The following EGFLAM variants were observed in gnomAD, a reference collection of about 807,000 sequenced individuals.
The protein encoded by EGFLAM is pikachurin.
In EGFLAM, 79 loss-of-function variants were observed where a neutral mutation model predicts 113.1. The ratio of observed to expected loss-of-function variants is 0.70; its 90% CI spans 0.58 to 0.84. The LOEUF is 0.84. EGFLAM is among the 40% of genes least tolerant of loss of function. The pLI, the probability that EGFLAM is intolerant of heterozygous loss-of-function variation, is 0.00. For missense variants in EGFLAM, 1,265 were observed against 1,291.6 expected (o/e 0.98, Z 0.32); for synonymous variants, 504 against 487.6 (o/e 1.03, Z -0.44).
intron 6 of EGFLAM, among the ~76,000 whole-genome samples, chr5:38,399,284 T>G (rs1207071227): frequency 6.8e-6 from 1 of 147,608 alleles, no homozygotes; most frequent in East Asian, 2.0e-4. Flanking sequence ...TTCGTTTTTT[T>G]TTTTTTTTTT....
In EGFLAM at chr5:38,465,410, TG is replaced by T. The variant is rs1390716990; in HGVS notation, c.*1428del. On this transcript the variant is annotated 3_prime_UTR_variant, in exon 22 of 22. Transcript: ENST00000322350. ...GCAGCATTCATTCAGCAAAGACTTTTGGGGTTTGTGCAAGGCACAGTTTTAA... is the reference window on the plus strand; with the variant it reads ...GCAGCATTCATTCAGCAAAGACTTTTGGGTTTGTGCAAGGCACAGTTTTAA... Among the ~76,000 whole-genome samples, 1 of 152,238 alleles carries T rather than the reference TG, an allele frequency of 6.6e-6. No individual in the cohort carries two copies. The highest frequency in any genetic ancestry group is 6.5e-5 in the Admixed American group (1 of 15,284).
chr5:38,424,912 G>A, intron 12 of EGFLAM, 55 bp from the exon 13 acceptor site: 1 of 1,602,222 alleles, frequency 6.2e-7, no homozygotes, highest in South Asian at 1.1e-5. Flanking sequence ...CAGCGCCACT[G>A]TGTTGGACTG....
chr5:38,323,772 G>A (rs1192962962), intron 1 of EGFLAM, among the ~76,000 whole-genome samples: 2 of 151,962 alleles, frequency 1.3e-5, no homozygotes, highest in African/African-American at 2.4e-5. Flanking sequence ...TTTTCGGCCA[G>A]GCACAGTGGC....
chr5:38,427,736 A>G (rs1219947232), intron 14 of EGFLAM, among the ~76,000 whole-genome samples: 3 of 152,174 alleles, frequency 2.0e-5, no homozygotes, highest in Non-Finnish European at 4.4e-5. Context: ...CTCTTGAACT[A>G]TTTCTTTAAT....
At chr5:38,263,952 G>T (rs536590299) in intron 1 of EGFLAM, among the ~76,000 whole-genome samples, 1 of 152,228 alleles carries the variant, frequency 6.6e-6, no homozygotes, top group South Asian at 2.1e-4. Flanking sequence ...AGCTACAGTG[G>T]CTGTGCCATT....
chr5:38,387,751 C>T (rs1026895975), intron 6 of EGFLAM, among the ~76,000 whole-genome samples: 2 of 152,248 alleles, frequency 1.3e-5, no homozygotes, highest in Admixed American at 1.3e-4. Context: ...ACCAGTTACT[C>T]TTGCTTGTAT....
At chr5:38,349,540 G>C (rs1739559966) in intron 3 of EGFLAM, among the ~76,000 whole-genome samples, 1 of 152,120 alleles carries the variant, frequency 6.6e-6, no homozygotes, top group South Asian at 2.1e-4. Flanking sequence ...CAGCGACACA[G>C]CTAACAATAA....
At chr5:38,420,039 A>C (rs1741776036) in intron 12 of EGFLAM, among the ~76,000 whole-genome samples, 1 of 152,072 alleles carries the variant, frequency 6.6e-6, no homozygotes, top group Admixed American at 6.6e-5. Context: ...AACAAAAAAC[A>C]AAAAACAAAA....
In EGFLAM at chr5:38,464,040, G is replaced by A; in HGVS notation, c.*54G>A. On this transcript the variant is annotated 3_prime_UTR_variant, in exon 22 of 22. Transcript: ENST00000322350. ...GCCTTCTATTCTGAGAATCCCAGGG[G>A]CCCTCAGACCCTGCCTGATGCTATA... 3.7e-6 allele frequency: 6 copies of A among 1,607,586 alleles called. No individual in the cohort carries two copies. The highest frequency in any genetic ancestry group is 2.2e-5 in the South Asian group (2 of 90,406).
intron 5 of EGFLAM, among the ~76,000 whole-genome samples, chr5:38,366,885 T>C (rs1172441374): frequency 6.6e-6 from 1 of 152,252 alleles, no homozygotes; most frequent in Non-Finnish European, 1.5e-5. Flanking sequence ...CCAGCCCTGA[T>C]AGCCAGGCTG....
intron 6 of EGFLAM, chr5:38,401,798 G>A (rs569365512): frequency 2.6e-5 from 4 of 152,216 alleles, no homozygotes; most frequent in African/African-American, 9.6e-5. Context: ...AGAGTCTAAG[G>A]CCAGGAGCCC....
chr5:38,413,911 C>T (rs561005495), intron 11 of EGFLAM, among the ~76,000 whole-genome samples: 7 of 152,298 alleles, frequency 4.6e-5, no homozygotes, highest in East Asian at 3.9e-4. Context: ...CTGGATCCCT[C>T]GCATGCGCAG....
intron 1 of EGFLAM, among the ~76,000 whole-genome samples, chr5:38,266,145 T>TC (rs1450305932): frequency 1.3e-5 from 2 of 152,068 alleles, no homozygotes; most frequent in Non-Finnish European, 2.9e-5. Flanking sequence ...ACCAACATTT[T>TC]CCCCCCTTAC....
In EGFLAM at chr5:38,412,792, C is replaced by T. The variant is rs535654223; in HGVS notation, c.1494+144C>T. On this transcript the variant is annotated intron_variant, in intron 11 of 21. Coordinates refer to ENST00000322350, the MANE Select transcript of EGFLAM (RefSeq NM_152403.4). ...GGTAAGGCCTATTTCTCATGGTGAA[C>T]CCATGCAACAGACCTTTGATGTGCT... 81 of 1,288,482 alleles carry T rather than the reference C, an allele frequency of 6.3e-5. No homozygotes were observed. The African/African-American group carries it at 1.1e-3, about 18-fold the overall frequency. 79.8% of individuals were successfully genotyped at this position (1,288,482 alleles called of 1,614,324 possible).
intron 6 of EGFLAM, among the ~76,000 whole-genome samples, chr5:38,383,871 A>G (rs1466892489): frequency 6.6e-6 from 1 of 152,022 alleles, no homozygotes; most frequent in Non-Finnish European, 1.5e-5. Context: ...GACAGCCCAC[A>G]GGACACTGGA....
chr5:38,420,281 T>C (rs571557834), intron 12 of EGFLAM, among the ~76,000 whole-genome samples: 10 of 152,322 alleles, frequency 6.6e-5, no homozygotes, highest in African/African-American at 2.2e-4. Flanking sequence ...TTAACAAAAA[T>C]AGTTTACCAT....
chr5:38,299,946 A>G (rs1470650547), intron 1 of EGFLAM, among the ~76,000 whole-genome samples: 2 of 152,344 alleles, frequency 1.3e-5, no homozygotes, highest in South Asian at 2.1e-4. Flanking sequence ...TTCTGCTGCC[A>G]TAGAACTTAT....
Position 38,338,488 on chromosome 5 carries a change from AT to A in EGFLAM, c.208-209del, listed in dbSNP as rs539379429. 7.2e-5 allele frequency among the ~76,000 whole-genome samples: 11 copies of A among 152,318 alleles called. No homozygotes were observed. In the East Asian group the frequency reaches 2.1e-3, roughly 29 times the overall value. On this transcript the variant is annotated intron_variant, in intron 2 of 21. Coordinates refer to ENST00000322350, the MANE Select transcript of EGFLAM (RefSeq NM_152403.4). ...GACCTCTGCATTTCACTTCATTGAT[AT>A]GTGTCTTCCTCCTGGACTCCTCAGG...
At chr5:38,353,544 T>C (rs1354673057) in intron 5 of EGFLAM, among the ~76,000 whole-genome samples, 2 of 152,244 alleles carry the variant, frequency 1.3e-5, no homozygotes, top group African/African-American at 4.8e-5. Context: ...TCCTTGGTAA[T>C]GGAAAGCAGA....
Sources: allele counts gnomAD v4.1 joint callset (sites outside exome capture counted in the v4.1 genomes callset), GRCh38; gene constraint gnomAD v4.1.1; transcripts MANE v1.5; gene names NCBI Gene and HGNC (gene_info 2026-07-23, HGNC 2026-07-21).